The following ADGRV1 variants were observed in gnomAD, a reference collection of about 807,000 sequenced individuals.
ADGRV1 encodes G-protein coupled receptor 98.
In ADGRV1, 359 loss-of-function variants were observed where a neutral mutation model predicts 596.2. The ratio of observed to expected loss-of-function variants is 0.60; its 90% CI spans 0.55 to 0.66. The LOEUF (loss-of-function observed/expected upper bound fraction) is 0.66, where lower values mean the gene tolerates loss of function less well. Ranked by LOEUF, ADGRV1 falls within the 30% of genes least tolerant of loss-of-function variation. The pLI is 0.00. For synonymous variants in ADGRV1, 2,681 were observed against 2,679.2 expected (o/e 1.00, Z -0.02); for missense variants, 7,274 against 7,575.6 (o/e 0.96, Z 1.48).
chr5:90,683,296 G>C (rs1005614079), intron 27 of ADGRV1, among the ~76,000 whole-genome samples: 3 of 151,880 alleles, frequency 2.0e-5, no homozygotes, highest in African/African-American at 7.3e-5. Flanking sequence ...CTGCAGCCTC[G>C]AAGTCCTGGG....
At chr5:90,615,402 A>T (rs1302363864) in intron 2 of ADGRV1, among the ~76,000 whole-genome samples, 1 of 151,950 alleles carries the variant, frequency 6.6e-6, no homozygotes, top group Non-Finnish European at 1.5e-5. Context: ...AATAGTAAAA[A>T]AAAACTTTAG....
chr5:91,086,355 C>A (rs1789874725), intron 86 of ADGRV1, among the ~76,000 whole-genome samples: 1 of 152,128 alleles, frequency 6.6e-6, no homozygotes, highest in Admixed American at 6.5e-5. Flanking sequence ...CAACTTTGCT[C>A]CTCTGCCTTA....
Position 90,625,177 on chromosome 5 carries a change from AGG to A in ADGRV1, c.607_608del (p.Gly203LysfsTer14). ...CTGATGAAGATTTGAGTCCAGTTAA[AGG>A]AAATATCACCTTTCCCCCTGGCAGA... ...PPDEDLSPVK[G>X]NITFPPGRAT... On this transcript the variant is annotated frameshift_variant, in exon 6 of 90. Coordinates refer to ENST00000405460, the MANE Select transcript of ADGRV1 (RefSeq NM_032119.4). LOFTEE classifies it high-confidence loss of function. The A allele has an allele frequency of 1.9e-6, 3 of 1,613,678 alleles. No homozygotes were observed. Among genetic ancestry groups the A allele is most frequent in the Non-Finnish European group, 1.7e-6 (2 of 1,179,704 alleles).
At chr5:90,757,903 C>T (rs936722093) in intron 57 of ADGRV1, among the ~76,000 whole-genome samples, 2 of 152,124 alleles carry the variant, frequency 1.3e-5, no homozygotes, top group Non-Finnish European at 2.9e-5. Flanking sequence ...CCAGAGTATG[C>T]GTCAACTTAT....
chr5:90,784,298 C>G (rs1759187531), intron 67 of ADGRV1, among the ~76,000 whole-genome samples: 1 of 152,084 alleles, frequency 6.6e-6, no homozygotes, highest in East Asian at 1.9e-4. Context: ...TGATAAAATT[C>G]ATTAATTCAA....
intron 85 of ADGRV1, among the ~76,000 whole-genome samples, chr5:91,061,061 C>G (rs1008281524): frequency 6.6e-6 from 1 of 152,146 alleles, no homozygotes; most frequent in Non-Finnish European, 1.5e-5. Context: ...TCTCCCTTTT[C>G]TAGAAAATCA....
At chr5:91,008,118 C>T (rs968544792) in intron 85 of ADGRV1, among the ~76,000 whole-genome samples, 8 of 152,148 alleles carry the variant, frequency 5.3e-5, no homozygotes, top group Non-Finnish European at 1.2e-4. Flanking sequence ...ATTTATCTCT[C>T]ATAAATAAAT....
chr5:90,635,211 C>T lies in ADGRV1; in HGVS notation c.1937C>T (p.Ala646Val), dbSNP rs751156729. The T allele has an allele frequency of 1.2e-6, 2 of 1,613,184 alleles. No individual in the cohort carries two copies. The highest frequency in any genetic ancestry group is 4.5e-5 in the East Asian group (2 of 44,856). Residue 646 changes from alanine (A) to valine (V), a missense_variant, in exon 10 of 90, where the codon GCC (alanine) becomes GTC (valine). This residue lies in a region of ADGRV1 where 1,715 missense variants were observed against 1,708.8 expected (regional missense o/e 1.00). Transcript: ENST00000405460. Reference sequence around the variant, plus strand: ...AATATTTCTTTACTGGTTACTCCAGCCATTGCAAATGGAGAAATTGGCTTT... The same window carrying T: ...AATATTTCTTTACTGGTTACTCCAGTCATTGCAAATGGAGAAATTGGCTTT... ...ICNISLLVTPAIANGEIGFLS... is the reference protein window; with the variant it reads ...ICNISLLVTPVIANGEIGFLS...
chr5:91,028,742 T>G (rs925577385), intron 85 of ADGRV1, among the ~76,000 whole-genome samples: 1 of 148,970 alleles, frequency 6.7e-6, no homozygotes, highest in Non-Finnish European at 1.5e-5. Context: ...GTTTTTTTTT[T>G]TTTTTTTTTT....
At chr5:90,965,393 T>C (rs975530663) in intron 83 of ADGRV1, 22 bp from the exon 84 acceptor site, 1 of 1,389,194 alleles carries the variant, frequency 7.2e-7, no homozygotes, top group African/African-American at 1.4e-5. Context: ...ATTTTAAAAA[T>C]AGAAGTATCT....
chr5:90,745,593 C>T lies in ADGRV1; in HGVS notation c.10772C>T (p.Ser3591Leu), dbSNP rs75732872. Residue 3591 changes from serine to leucine, a missense_variant and splice_region_variant, in exon 52 of 90, where the codon TCA becomes TTA. By Grantham distance (145) the Ser-to-Leu change is moderately radical. Coordinates refer to ENST00000405460, the MANE Select transcript of ADGRV1 (RefSeq NM_032119.4). ...ISSHSDFIPS[S>L]GELIFEPGER... ...TTTGTATATGCTTCTTATGGTAGTT[C>T]AGGTGAACTGATATTTGAACCTGGT... is the stretch of plus-strand genomic sequence containing the variant. 6.2e-7 allele frequency: 1 copy of T among 1,603,620 alleles called. No homozygotes were observed. The highest frequency in any genetic ancestry group is 8.5e-7 in the Non-Finnish European group (1 of 1,172,818).
At chr5:90,838,642 T>C (rs1457348890) in intron 77 of ADGRV1, among the ~76,000 whole-genome samples, 2 of 152,162 alleles carry the variant, frequency 1.3e-5, no homozygotes, top group Non-Finnish European at 2.9e-5. Context: ...TCCCCAGTTT[T>C]CCACCATTCA....
At chr5:91,004,461 T>TA (rs1782106332) in intron 85 of ADGRV1, among the ~76,000 whole-genome samples, 1 of 152,154 alleles carries the variant, frequency 6.6e-6, no homozygotes, top group Non-Finnish European at 1.5e-5. Context: ...TAAAATATCT[T>TA]ATTCATCTGA....
At chr5:91,118,619 AAC>A (rs1315127633) in intron 87 of ADGRV1, among the ~76,000 whole-genome samples, 3 of 152,012 alleles carry the variant, frequency 2.0e-5, no homozygotes, top group Admixed American at 6.6e-5. Flanking sequence ...AAATGCATAA[AAC>A]ACAAACTGTA....
chr5:90,816,376 T>A (rs906961085), intron 75 of ADGRV1, among the ~76,000 whole-genome samples: 109 of 150,522 alleles, frequency 7.2e-4, no homozygotes, highest in African/African-American at 2.0e-3. Flanking sequence ...CTGTTTTTTT[T>A]TAAATTTTAT....
At chr5:90,815,757 T>C (rs773676541) in intron 75 of ADGRV1, 21 bp downstream of exon 75, 5 of 1,206,010 alleles carry the variant, frequency 4.1e-6, no homozygotes, top group African/African-American at 1.5e-5. Flanking sequence ...ATATAGTATA[T>C]GGAAGACGTA....
At chr5:90,739,603 T>C (rs1193373979) in intron 50 of ADGRV1, among the ~76,000 whole-genome samples, 1 of 152,194 alleles carries the variant, frequency 6.6e-6, no homozygotes, top group Non-Finnish European at 1.5e-5. Context: ...TCCAGTGACA[T>C]CTCTGGTTGG....
intron 86 of ADGRV1, among the ~76,000 whole-genome samples, chr5:91,099,121 T>C (rs1220680445): frequency 6.6e-6 from 1 of 152,244 alleles, no homozygotes; most frequent in Non-Finnish European, 1.5e-5. Context: ...AAAGCATTAG[T>C]GACAAAGAAA....
At chr5:91,040,414 A>G (rs905148377) in intron 85 of ADGRV1, among the ~76,000 whole-genome samples, 1 of 152,188 alleles carries the variant, frequency 6.6e-6, no homozygotes, top group Non-Finnish European at 1.5e-5. Context: ...TCATGAGGAC[A>G]GGAATCCTGT....
Sources: gnomAD v4.1 joint callset for allele counts (sites outside exome capture counted in the v4.1 genomes callset) on GRCh38, gnomAD v4.1.1 for gene constraint, gnomAD v4.1.1 regional missense constraint, MANE v1.5 for transcripts, NCBI Gene and HGNC (gene_info 2026-07-23, HGNC 2026-07-21) for gene names.